Variants in RAPGEF1 observed in about 807,000 individuals in gnomAD.
The protein encoded by RAPGEF1 is Rap guanine nucleotide exchange factor 1, also known as CRK SH3-binding GNRP.
In RAPGEF1, 33 loss-of-function variants were observed where a neutral mutation model predicts 143.3. The ratio of observed to expected loss-of-function variants is 0.23; its 90% CI spans 0.17 to 0.31. The LOEUF (loss-of-function observed/expected upper bound fraction) is 0.31. Ranked by LOEUF, RAPGEF1 falls within the 10% of genes least tolerant of loss-of-function variation. The probability of loss-of-function intolerance (pLI) is 1.00; values close to 1 mark genes in which losing one functional copy is unlikely to be tolerated. For synonymous variants in RAPGEF1, 629 were observed against 676.5 expected, an observed-to-expected ratio of 0.93 and a Z score of 1.09; for missense variants, 1,199 against 1,645.4, an observed-to-expected ratio of 0.73 and a Z score of 4.69.
chr9:131,724,057 G>A (rs1836460779), intron 1 of RAPGEF1, among the ~76,000 whole-genome samples: 1 of 152,154 alleles, frequency 6.6e-6, no homozygotes, highest in African/African-American at 2.4e-5. Flanking sequence ...ATGAGAAAAT[G>A]GAATAGTTGA....
intron 1 of RAPGEF1, among the ~76,000 whole-genome samples, chr9:131,679,248 C>A (rs1180171132): frequency 1.3e-5 from 2 of 152,206 alleles, no homozygotes; most frequent in African/African-American, 4.8e-5. Flanking sequence ...CAGCTGACCT[C>A]AGGGAAGACA....
At chr9:131,597,135 C>T (rs756018186) in intron 16 of RAPGEF1, among the ~76,000 whole-genome samples, 4 of 152,328 alleles carry the variant, frequency 2.6e-5, no homozygotes, top group South Asian at 2.1e-4. Context: ...CCTCAATGCT[C>T]CTTGCTCTGT....
rs868805709 is a variant in RAPGEF1 at position 131,605,055 on chromosome 9, A to G, written c.2195T>C (p.Leu732Ser). The change falls in exon 13 of 27, where the codon TTA becomes TCA. Residue 732 changes from leucine to serine, a missense_variant. By Grantham distance (145) the Leu-to-Ser change is moderately radical. This residue lies in a region of RAPGEF1 where 293 missense variants were observed against 356.2 expected (regional missense o/e 0.82). Transcript: ENST00000683357. ...TGGACCGGCCATGGTTGGCACGGCT[A>G]AGTCAGAGCTCTGAGACTGGTGGGC... The part of the protein sequence containing the change: ...PPAHQSQSSD[L>S]AVPTMAGPPP... The G allele has an allele frequency of 1.3e-5, 18 of 1,365,118 alleles. No homozygotes were observed. Among genetic ancestry groups the G allele is most frequent in the Middle Eastern group, 2.1e-4 (1 of 4,786 alleles). 84.6% of individuals were successfully genotyped at this position (1,365,118 alleles called of 1,614,324 possible). A position where few individuals can be genotyped will look rare whatever the true frequency, so the allele number is the denominator to read the frequency against.
At chr9:131,652,564 A>G (rs1002625129) in intron 1 of RAPGEF1, among the ~76,000 whole-genome samples, 3 of 152,174 alleles carry the variant, frequency 2.0e-5, no homozygotes, top group African/African-American at 7.2e-5. Flanking sequence ...CATTAAAGAC[A>G]AAGACAGACA....
intron 5 of RAPGEF1, among the ~76,000 whole-genome samples, chr9:131,631,595 A>T (rs1342832497): frequency 1.3e-5 from 2 of 152,226 alleles, no homozygotes; most frequent in Non-Finnish European, 2.9e-5. Flanking sequence ...TTTCCAAGTT[A>T]CAGAGGAGGT....
chr9:131,598,247 G>A lies in RAPGEF1; in HGVS notation c.2565C>T (p.Ser855=). The change falls in exon 16 of 27, where the codon TCC becomes TCT. Residue 855 remains serine (S), a synonymous_variant. Transcript: ENST00000683357. ...AQSEEEVDEL[S]LIDHNEIMSR... ...ACATAATTTCGTTGTGGTCAATGAG[G>A]GACAGCTCGTCCACTTCCTCCTCCG... The A allele has an allele frequency of 6.2e-7, 1 of 1,614,012 alleles. No homozygotes were observed. Among genetic ancestry groups the A allele is most frequent in the Non-Finnish European group, 8.5e-7 (1 of 1,179,886 alleles).
intron 1 of RAPGEF1, among the ~76,000 whole-genome samples, chr9:131,701,654 T>G (rs1395288865): frequency 6.6e-6 from 1 of 152,358 alleles, no homozygotes; most frequent in East Asian, 1.9e-4. Flanking sequence ...TTCTGTAACA[T>G]GTAAATATAA....
intron 1 of RAPGEF1, among the ~76,000 whole-genome samples, chr9:131,733,214 G>A (rs898080431): frequency 1.3e-5 from 2 of 152,036 alleles, no homozygotes; most frequent in Non-Finnish European, 2.9e-5. Flanking sequence ...GTATAAAAAA[G>A]GGCCTGCAGT....
rs2132978877 is a variant in RAPGEF1 at position 131,626,305 on chromosome 9, G to A, written c.1319C>T (p.Ser440Phe). The change falls in exon 10 of 27, where the codon TCT becomes TTT. Residue 440 changes from serine (S) to phenylalanine (F), a missense_variant. Transcript: ENST00000683357. ...CTGGAAAGGAGGGCCAAGAAATGGA[G>A]ACCCAGACTCCCCCAAAGACTCTGG... ...PLPESLGESG[S>F]PFLGPPFQLP... The A allele has an allele frequency of 6.2e-7, 1 of 1,614,040 alleles. No homozygotes were observed. Among genetic ancestry groups the A allele is most frequent in the Middle Eastern group, 1.6e-4 (1 of 6,062 alleles).
At chr9:131,730,199 A>C (rs2131330501) in intron 1 of RAPGEF1, among the ~76,000 whole-genome samples, 1 of 150,218 alleles carries the variant, frequency 6.7e-6, no homozygotes, top group African/African-American at 2.4e-5. Flanking sequence ...CTCTCAAAAA[A>C]AAAAAAAAAA....
intron 6 of RAPGEF1, among the ~76,000 whole-genome samples, chr9:131,629,722 A>C (rs1395251239): frequency 6.6e-6 from 1 of 152,018 alleles, no homozygotes; most frequent in Non-Finnish European, 1.5e-5. Context: ...ATCTGAGAGG[A>C]GGAGGCTGCA....
rs972519892 is a variant in RAPGEF1 at position 131,650,222 on chromosome 9, T to C, written c.222A>G (p.Leu74=). The C allele has an allele frequency of 9.3e-6, 15 of 1,613,442 alleles. No individual in the cohort carries two copies. The highest frequency in any genetic ancestry group is 1.3e-5 in the Non-Finnish European group (15 of 1,179,542). ...CCAAGGGGAGAGGGTAGCCCTCTGG[T>C]AGAAATCTGTCTGTTGCCTCCTGGA... ...PVNKEATDRF[L]PEGYPLPLDL... Residue 74 remains leucine, a synonymous_variant, in exon 3 of 27, where the codon CTA becomes CTG. Transcript: ENST00000683357. The surrounding 1 kb of genome is among the most constrained non-coding windows in gnomAD (Gnocchi z 4.7).
rs1275218332 is a variant in RAPGEF1, at chr9:131,621,083, G to A, written c.1905+713C>T. On this transcript the variant is annotated intron_variant, in intron 11 of 26. Coordinates refer to ENST00000683357, the MANE Select transcript of RAPGEF1 (RefSeq NM_001377935.1). This position sits in a 1 kb window ranked among gnomAD's most constrained non-coding sequence, Gnocchi z 4.5. ...TGTTCATTAACTGGCAGCAAAGGGA[G>A]AAAGTTTGGAGGGATGCCACAGGTA... Among the ~76,000 whole-genome samples, 1 of 152,238 alleles carries A rather than the reference G, an allele frequency of 6.6e-6. No homozygotes were observed. The highest frequency in any genetic ancestry group is 1.9e-4 in the East Asian group (1 of 5,202).
rs371710263 is a variant in RAPGEF1 at position 131,701,135 on chromosome 9, C to A, written c.61+38635G>T. ...ATTGGAAAAGTGATTAAAGTGGGCA[C>A]TGGCCATGGCTATTATCTAAAATAA... On this transcript the variant is annotated intron_variant, in intron 1 of 26. Transcript: ENST00000683357. 2.6e-5 allele frequency among the ~76,000 whole-genome samples: 4 copies of A among 152,112 alleles called. No individual in the cohort carries two copies. The East Asian group carries it at 7.7e-4, about 29-fold the overall frequency.
rs1952418311 is a variant in RAPGEF1, at chr9:131,584,630, T to C, written c.3234-34A>G. 1 of 1,608,834 alleles carries C rather than the reference T, an allele frequency of 6.2e-7. No individual in the cohort carries two copies. Among genetic ancestry groups the C allele is most frequent in the Middle Eastern group, 1.7e-4 (1 of 5,994 alleles). The stretch of plus-strand genomic sequence containing the variant: ...ACCAAGGGAAAAAGAAACAGCTGAG[T>C]TGACAAGTCCCTGCAGGTCCCAGGG... On this transcript the variant is annotated intron_variant, in intron 22 of 26. Transcript: ENST00000683357. This position sits in a 1 kb window ranked among gnomAD's most constrained non-coding sequence, Gnocchi z 6.8.
intron 1 of RAPGEF1, among the ~76,000 whole-genome samples, chr9:131,671,504 G>C (rs1230004740): frequency 6.6e-5 from 10 of 152,232 alleles, no homozygotes; most frequent in African/African-American, 2.4e-4. Context: ...AACAACGTGG[G>C]GCCTTTGCTG....
intron 3 of RAPGEF1, among the ~76,000 whole-genome samples, chr9:131,648,705 C>T (rs1190985940): frequency 6.6e-6 from 1 of 152,228 alleles, no homozygotes; most frequent in African/African-American, 2.4e-5. Flanking sequence ...GACTGTTTCC[C>T]TCTTGCTTGT....
At chr9:131,703,177 T>C (rs1279808737) in intron 1 of RAPGEF1, among the ~76,000 whole-genome samples, 3 of 152,198 alleles carry the variant, frequency 2.0e-5, no homozygotes, top group Admixed American at 6.5e-5. Context: ...TTTTTTAAAA[T>C]TTTTTGTAGA....
At position 131,579,371 on chromosome 9, in the gene RAPGEF1, G is replaced by A. The variant is rs1951513867; in HGVS notation, c.*126C>T. 1 of 1,352,310 alleles carries A rather than the reference G, an allele frequency of 7.4e-7. No individual in the cohort carries two copies. The allele number at this position is 1,352,310 out of a possible 1,614,324, so 83.8% of individuals were successfully genotyped here. On this transcript the variant is annotated 3_prime_UTR_variant, in exon 27 of 27. Transcript: ENST00000683357. ...CAGCTCCCGCCCGGCCCCGCTGAGG[G>A]CTGGCCAGCCTCATGGCTCCGAGGC...
Sources: allele counts gnomAD v4.1 joint callset (sites outside exome capture counted in the v4.1 genomes callset), GRCh38; gene constraint gnomAD v4.1.1; regional missense constraint gnomAD v4.1.1; non-coding constraint Gnocchi (gnomAD v3.1); transcripts MANE v1.5; gene names NCBI Gene and HGNC (gene_info 2026-07-23, HGNC 2026-07-21).